Variants in NRXN3 observed in about 807,000 individuals in gnomAD.
The protein encoded by NRXN3 is neurexin III.
NRXN3 carries 32 observed loss-of-function variants against 137.6 expected under a neutral mutation model. That is an observed-to-expected ratio of 0.23 (90% CI 0.18 to 0.31). NRXN3 has a LOEUF of 0.31. NRXN3 is among the 10% of genes least tolerant of loss of function. The pLI, the probability that NRXN3 is intolerant of heterozygous loss-of-function variation, is 1.00. For synonymous variants in NRXN3, 798 were observed against 784.5 expected (o/e 1.02, Z -0.29); for missense variants, 1,574 against 2,062.5 (o/e 0.76, Z 4.59).
intron 15 of NRXN3, among the ~76,000 whole-genome samples, chr14:79,142,035 A>G (rs1278702428): frequency 6.6e-6 from 1 of 152,232 alleles, no homozygotes; most frequent in Non-Finnish European, 1.5e-5. Context: ...GAGCACAATG[A>G]AAAAGCAATG....
rs141137945 is a variant in NRXN3, at chr14:78,474,574, G to A, written c.758-170546G>A. Among the ~76,000 whole-genome samples the A allele has an allele frequency of 9.8e-3, 1,496 of 152,116 alleles. 13 individuals are homozygous for A. Among genetic ancestry groups the A allele is most frequent in the Non-Finnish European group, 0.015 (1,051 of 67,994 alleles). On this transcript the variant is annotated intron_variant, in intron 4 of 20. Transcript: ENST00000335750. ...AGTCATTTGCTTAGCATCTCTCCAT[G>A]ATCTTTTTCTTGGTCTCAGAACACC...
At chr14:79,852,590 A>C (rs534172289) in intron 20 of NRXN3, among the ~76,000 whole-genome samples, 1 of 151,910 alleles carries the variant, frequency 6.6e-6, no homozygotes, top group Non-Finnish European at 1.5e-5. Flanking sequence ...CGCCCTTTTT[A>C]TTTTTTCAAA....
chr14:78,530,282 ATC>A (rs1479141364), intron 4 of NRXN3, among the ~76,000 whole-genome samples: 1 of 152,216 alleles, frequency 6.6e-6, no homozygotes, highest in Non-Finnish European at 1.5e-5. Flanking sequence ...GTTACTTTTT[ATC>A]TGTCACTCCC....
chr14:79,127,945 A>G (rs1189141717), intron 15 of NRXN3, among the ~76,000 whole-genome samples: 1 of 150,278 alleles, frequency 6.7e-6, no homozygotes, highest in Non-Finnish European at 1.5e-5. Flanking sequence ...GCAATTGTGA[A>G]TGGGAGTTCA....
intron 15 of NRXN3, among the ~76,000 whole-genome samples, chr14:79,339,130 T>G (rs1411496974): frequency 1.3e-5 from 2 of 152,190 alleles, no homozygotes; most frequent in South Asian, 4.1e-4. Context: ...GTTGCTGCAG[T>G]GCAATGGAGC....
intron 15 of NRXN3, among the ~76,000 whole-genome samples, chr14:79,154,685 C>A (rs1226324008): frequency 6.6e-6 from 1 of 151,802 alleles, no homozygotes; most frequent in African/African-American, 2.4e-5. Context: ...ATCTGCCCTG[C>A]CTATATCATG....
intron 15 of NRXN3, among the ~76,000 whole-genome samples, chr14:79,138,903 CA>C (rs1479314173): frequency 6.6e-6 from 1 of 152,040 alleles, no homozygotes; most frequent in Non-Finnish European, 1.5e-5. Flanking sequence ...GAGTTGCTCC[CA>C]AAGCAGAAGA....
At chr14:78,610,903 T>A (rs533168145) in intron 4 of NRXN3, among the ~76,000 whole-genome samples, 66 of 152,286 alleles carry the variant, frequency 4.3e-4, no homozygotes, top group African/African-American at 1.5e-3. Context: ...GGAATATAGA[T>A]TGTGTTTTGG....
chr14:79,832,388 T>C (rs1303717828), intron 20 of NRXN3, among the ~76,000 whole-genome samples: 1 of 152,204 alleles, frequency 6.6e-6, no homozygotes, highest in Non-Finnish European at 1.5e-5. Context: ...AGTCGAGCCC[T>C]GGCTCAATAG....
chr14:78,498,900 G>T (rs573539151), intron 4 of NRXN3, among the ~76,000 whole-genome samples: 1 of 151,816 alleles, frequency 6.6e-6, no homozygotes, highest in Admixed American at 6.6e-5. Flanking sequence ...AGTTGGGACT[G>T]CAGGCATGAA....
chr14:79,715,223 G>A (rs1366896076), intron 19 of NRXN3, among the ~76,000 whole-genome samples: 1 of 152,144 alleles, frequency 6.6e-6, no homozygotes, highest in Non-Finnish European at 1.5e-5. Context: ...AAAGAGCTGG[G>A]ATTACAGGCG....
At chr14:78,298,131 A>G (rs936369490) in intron 4 of NRXN3, among the ~76,000 whole-genome samples, 4 of 152,218 alleles carry the variant, frequency 2.6e-5, no homozygotes, top group Non-Finnish European at 4.4e-5. Context: ...TGCATCCGAG[A>G]GGGAAGCATG....
chr14:79,498,065 C>A lies in NRXN3; in HGVS notation c.3444+30663C>A, dbSNP rs557833521. ...CAAACAAACAAACAAACAAAAAAAA[C>A]CAGGAAGAACATATTCCAAAGTGTT... On this transcript the variant is annotated intron_variant, in intron 16 of 20. Transcript: ENST00000335750. Among the ~76,000 whole-genome samples the A allele has an allele frequency of 1.7e-4, 26 of 152,054 alleles. 1 individual carries two copies. Among genetic ancestry groups the A allele is most frequent in the Admixed American group, 1.4e-3 (21 of 15,284 alleles).
chr14:78,442,465 C>T (rs974111644), intron 4 of NRXN3, among the ~76,000 whole-genome samples: 1 of 152,168 alleles, frequency 6.6e-6, no homozygotes, highest in Non-Finnish European at 1.5e-5. Context: ...ATGGCCCTGC[C>T]AACACCTAGA....
intron 9 of NRXN3, among the ~76,000 whole-genome samples, chr14:78,806,677 A>G (rs1329353805): frequency 1.3e-5 from 2 of 152,202 alleles, no homozygotes; most frequent in African/African-American, 4.8e-5. Context: ...GCAGGCAGCC[A>G]TATGTGGTGC....
intron 15 of NRXN3, among the ~76,000 whole-genome samples, chr14:79,270,565 C>T (rs1330386763): frequency 1.3e-5 from 2 of 152,106 alleles, no homozygotes; most frequent in Non-Finnish European, 2.9e-5. Context: ...TAGGACTAGG[C>T]CCTCATTCCC....
At chr14:78,991,845 C>A (rs1424995942) in intron 15 of NRXN3, among the ~76,000 whole-genome samples, 1 of 152,120 alleles carries the variant, frequency 6.6e-6, no homozygotes, top group South Asian at 2.1e-4. Flanking sequence ...ATGAGTACAG[C>A]GTACATTTTA....
rs146250298 is a variant in NRXN3 at position 78,271,744 on chromosome 14, C to T, written c.710-6901C>T. ...TGCTACTGATGCTCCATCTTGCAAT[C>T]TGGAGTTATTAGCATCAAAGAACAA... On this transcript the variant is annotated intron_variant, in intron 2 of 20. Transcript: ENST00000335750. Among the ~76,000 whole-genome samples the T allele has an allele frequency of 1.1e-4, 17 of 152,304 alleles. No individual in the cohort carries two copies. The East Asian group carries it at 3.1e-3, about 28-fold the overall frequency.
At chr14:78,876,660 A>C (rs1489689814) in intron 10 of NRXN3, among the ~76,000 whole-genome samples, 1 of 152,198 alleles carries the variant, frequency 6.6e-6, no homozygotes, top group African/African-American at 2.4e-5. Context: ...TTACATGACC[A>C]AAGAGTTGTT....
Sources: gnomAD v4.1 joint callset for allele counts (sites outside exome capture counted in the v4.1 genomes callset) on GRCh38, gnomAD v4.1.1 for gene constraint, MANE v1.5 for transcripts, NCBI Gene and HGNC (gene_info 2026-07-23, HGNC 2026-07-21) for gene names.